Variants in SH3GL3 observed in about 807,000 individuals in gnomAD.
The protein encoded by SH3GL3 is endophilin-A3.
A neutral mutation model predicts 47.7 loss-of-function variants in SH3GL3; 33 were observed. That is an observed-to-expected ratio of 0.69 (90% CI 0.52 to 0.92). SH3GL3 has a LOEUF of 0.92. SH3GL3 is among the 40% of genes least tolerant of loss of function. SH3GL3 has a pLI of 0.00. For missense variants in SH3GL3, 363 were observed against 417.8 expected (o/e 0.87, Z 1.14); for synonymous variants, 155 against 148.8 (o/e 1.04, Z -0.30).
intron 1 of SH3GL3, among the ~76,000 whole-genome samples, chr15:83,473,843 G>C (rs192208861): frequency 1.1e-3 from 167 of 147,780 alleles, no homozygotes; most frequent in African/African-American, 3.8e-3. Context: ...CACCGCGCCC[G>C]GCCTGTTGGG....
chr15:83,497,222 A>G (rs1371350988), intron 1 of SH3GL3, among the ~76,000 whole-genome samples: 1 of 152,144 alleles, frequency 6.6e-6, no homozygotes, highest in East Asian at 1.9e-4. Flanking sequence ...AAGACCCGTT[A>G]CAGCCCCAAG....
chr15:83,568,887 A>G (rs1487440330), intron 4 of SH3GL3, among the ~76,000 whole-genome samples: 2 of 151,554 alleles, frequency 1.3e-5, no homozygotes, highest in Non-Finnish European at 2.9e-5. Context: ...GGCCCAATTA[A>G]ACTCTGTTGT....
In SH3GL3 at chr15:83,567,039, C is replaced by G. The variant is rs534936729; in HGVS notation, c.188-1490C>G. 2.6e-4 allele frequency among the ~76,000 whole-genome samples: 39 copies of G among 152,318 alleles called. No homozygotes were observed. The South Asian group carries it at 7.9e-3, about 31-fold the overall frequency. On this transcript the variant is annotated intron_variant, in intron 3 of 8. Transcript: ENST00000427482. ...GAAAAAAAGTGTATCTCTTGACTAT[C>G]TAAAAGTATCTCAAATACCACAAAC...
chr15:83,606,210 T>C (rs2060511652), intron 8 of SH3GL3, among the ~76,000 whole-genome samples: 1 of 152,082 alleles, frequency 6.6e-6, no homozygotes, highest in Non-Finnish European at 1.5e-5. Flanking sequence ...TCAGAGTGAG[T>C]TGAAATAAAT....
At chr15:83,514,418 A>G (rs1230448029) in intron 1 of SH3GL3, among the ~76,000 whole-genome samples, 5 of 152,058 alleles carry the variant, frequency 3.3e-5, no homozygotes, top group Non-Finnish European at 5.9e-5. Flanking sequence ...GAGGGTGGAA[A>G]GGGTGGGTTG....
At position 83,448,999 on chromosome 15, in the gene SH3GL3, G is replaced by C. The variant is rs2039594932; in HGVS notation, c.45+1421G>C. On this transcript the variant is annotated intron_variant, in intron 1 of 8. Transcript: ENST00000427482. The surrounding 1 kb of genome is among the most constrained non-coding windows in gnomAD (Gnocchi z 4.2). ...TGGGTTGGGGTGCATATCCTGACCT[G>C]CAGCTCAGGGGGTGAGGCTGGTACT... Among the ~76,000 whole-genome samples, 2 of 152,182 alleles carry C rather than the reference G, an allele frequency of 1.3e-5. No homozygotes were observed. Among genetic ancestry groups the C allele is most frequent in the Non-Finnish European group, 2.9e-5 (2 of 68,030 alleles).
chr15:83,572,177 C>T (rs1258802148), intron 4 of SH3GL3, among the ~76,000 whole-genome samples: 1 of 152,210 alleles, frequency 6.6e-6, no homozygotes, highest in African/African-American at 2.4e-5. Flanking sequence ...CTGGTTAACA[C>T]TTAGCCCCAT....
intron 8 of SH3GL3, among the ~76,000 whole-genome samples, chr15:83,591,017 C>G (rs570716709): frequency 6.6e-6 from 1 of 151,728 alleles, no homozygotes; most frequent in East Asian, 1.9e-4. Context: ...TTTTCTTTTT[C>G]TTTTTTTTGA....
At chr15:83,613,066 A>G (rs1452773364) in intron 8 of SH3GL3, among the ~76,000 whole-genome samples, 2 of 152,234 alleles carry the variant, frequency 1.3e-5, no homozygotes, top group Non-Finnish European at 1.5e-5. Flanking sequence ...GCCCCAGGCA[A>G]CAGAAATGAC....
chr15:83,464,555 A>T (rs1253203178), intron 1 of SH3GL3, among the ~76,000 whole-genome samples: 2 of 152,194 alleles, frequency 1.3e-5, no homozygotes, highest in East Asian at 3.9e-4. Flanking sequence ...AGATGTTCAA[A>T]TGTGAACTCT....
intron 8 of SH3GL3, among the ~76,000 whole-genome samples, chr15:83,592,898 A>AG (rs1427481919): frequency 6.6e-6 from 1 of 152,106 alleles, no homozygotes; most frequent in East Asian, 1.9e-4. Flanking sequence ...ATCCTGCATA[A>AG]GTTGTCTTCT....
intron 1 of SH3GL3, among the ~76,000 whole-genome samples, chr15:83,512,493 G>A (rs890122077): frequency 1.3e-5 from 2 of 152,128 alleles, no homozygotes; most frequent in African/African-American, 4.8e-5. Flanking sequence ...CTGGAAGCGC[G>A]CTGCTTTCTT....
rs147832818 is a variant in SH3GL3 at position 83,607,666 on chromosome 15, G to T, written c.839-10416G>T. On this transcript the variant is annotated intron_variant, in intron 8 of 8. Transcript: ENST00000427482. ...TTTCAAGAGAAGCCAGAAACCCTAT[G>T]TTTATGTGACATCTCCTGACTTTTA... Among the ~76,000 whole-genome samples, 730 of 152,160 alleles carry T rather than the reference G, an allele frequency of 4.8e-3. 4 individuals are homozygous for T. Among genetic ancestry groups the T allele is most frequent in the Non-Finnish European group, 7.6e-3 (518 of 68,016 alleles).
chr15:83,561,576 T>C (rs1207453294), intron 2 of SH3GL3, among the ~76,000 whole-genome samples: 2 of 151,782 alleles, frequency 1.3e-5, no homozygotes, highest in Non-Finnish European at 2.9e-5. Flanking sequence ...AAAAAAGAGA[T>C]TAATAAAATA....
intron 1 of SH3GL3, among the ~76,000 whole-genome samples, chr15:83,510,453 G>A (rs1333466173): frequency 6.6e-6 from 1 of 152,090 alleles, no homozygotes; most frequent in Non-Finnish European, 1.5e-5. Context: ...AATAATTTTT[G>A]CTTTGCAGTT....
At chr15:83,490,659 C>T in intron 1 of SH3GL3, 2 of 1,014,102 alleles carry the variant, frequency 2.0e-6, no homozygotes, top group South Asian at 1.7e-5. Context: ...GGCTTTCTAT[C>T]TGGGCAGGAT....
Position 83,587,050 on chromosome 15 carries a change from A to G in SH3GL3, c.692A>G (p.Glu231Gly). Residue 231 changes from glutamate (E) to glycine (G), a missense_variant, in exon 7 of 9, where the codon GAG becomes GGG. Physicochemically the swap from Glu to Gly is moderately conservative, Grantham distance 98. Coordinates refer to ENST00000427482, the MANE Select transcript of SH3GL3 (RefSeq NM_003027.5). The stretch of plus-strand genomic sequence containing the variant: ...TTAGACTATCACAGACAGTCCACAG[A>G]GATTCTGCAGGAGCTGCAGAGCAAG... ...AALDYHRQST[E>G]ILQELQSKLQ... 1 of 1,610,450 alleles carries G rather than the reference A, an allele frequency of 6.2e-7. No individual in the cohort carries two copies. The highest frequency in any genetic ancestry group is 1.1e-5 in the South Asian group (1 of 90,564).
In SH3GL3 at chr15:83,482,933, T is replaced by C. The variant is rs534266555; in HGVS notation, c.45+35355T>C. Among the ~76,000 whole-genome samples, 9 of 152,342 alleles carry C rather than the reference T, an allele frequency of 5.9e-5. No homozygotes were observed. In the South Asian group the frequency reaches 1.9e-3, roughly 32 times the overall value. ...TCCGTTCTAGGAATAGAAATCTTGATCTCAATTTGTCCTTCTTCCAGGGGG... is the reference window on the plus strand; with the variant it reads ...TCCGTTCTAGGAATAGAAATCTTGACCTCAATTTGTCCTTCTTCCAGGGGG... On this transcript the variant is annotated intron_variant, in intron 1 of 8. Coordinates refer to ENST00000427482, the MANE Select transcript of SH3GL3 (RefSeq NM_003027.5).
At chr15:83,512,485 G>A (rs2042801277) in intron 1 of SH3GL3, among the ~76,000 whole-genome samples, 1 of 152,122 alleles carries the variant, frequency 6.6e-6, no homozygotes. Flanking sequence ...GTCACAGCCT[G>A]GAAGCGCGCT....
Sources: allele counts gnomAD v4.1 joint callset (sites outside exome capture counted in the v4.1 genomes callset), GRCh38; gene constraint gnomAD v4.1.1; non-coding constraint Gnocchi (gnomAD v3.1); transcripts MANE v1.5; gene names NCBI Gene and HGNC (gene_info 2026-07-23, HGNC 2026-07-21).